Variants in SPTBN4 observed in about 807,000 individuals in gnomAD.
SPTBN4 encodes spectrin beta, non-erythrocytic 4.
Under a neutral mutation model 277.8 loss-of-function variants are expected in SPTBN4, and 96 were observed. That is an observed-to-expected ratio of 0.35 (90% CI 0.29 to 0.41). The LOEUF (loss-of-function observed/expected upper bound fraction) is 0.41, where lower values mean the gene tolerates loss of function less well. Ranked by LOEUF, SPTBN4 falls within the 10% of genes least tolerant of loss-of-function variation. The pLI is 1.00. For synonymous variants in SPTBN4, 1,481 were observed against 1,580.3 expected, an observed-to-expected ratio of 0.94 and a Z score of 1.49; for missense variants, 3,006 against 3,595.7, an observed-to-expected ratio of 0.84 and a Z score of 4.19.
chr19:40,504,129 G>T lies in SPTBN4; in HGVS notation c.1662G>T (p.Met554Ile). The T allele has an allele frequency of 6.7e-7, 1 of 1,483,666 alleles. No homozygotes were observed. 91.9% of individuals were successfully genotyped at this position (1,483,666 alleles called of 1,614,324 possible). The stretch of plus-strand genomic sequence containing the variant: ...ACATGGTGGACTGGATGGAGGAGAT[G>T]CAGGTGCCGGCGGGGGGGCGGGGAT... ...MVYMVDWMEE[M>I]QAQLLSRECG... Residue 554 changes from methionine (M) to isoleucine (I), a missense_variant, in exon 12 of 36, where the codon ATG (methionine) becomes ATT (isoleucine). Met to Ile is a conservative substitution (Grantham distance 10). This residue lies in a region of SPTBN4 where 1,759 missense variants were observed against 2,061.5 expected (regional missense o/e 0.85). Transcript: ENST00000598249.
intron 17 of SPTBN4, among the ~76,000 whole-genome samples, chr19:40,525,732 C>CA (rs756615400): frequency 1.4e-4 from 22 of 152,188 alleles, no homozygotes; most frequent in Non-Finnish European, 2.4e-4. Context: ...TCCTGCCTCA[C>CA]AGAGCTCGAA....
In SPTBN4 at chr19:40,549,290, TGAGCGGCAGAACGCGGTGGGC is replaced by T. The variant is rs2080890858; in HGVS notation, c.4467_4487del (p.Gln1490_Arg1496del). 4 of 1,543,572 alleles carry T rather than the reference TGAGCGGCAGAACGCGGTGGGC, an allele frequency of 2.6e-6. No homozygotes were observed. The highest frequency in any genetic ancestry group is 2.0e-5 in the Admixed American group (1 of 50,934). The stretch of plus-strand genomic sequence containing the variant: ...AGCCGGCGAGCAAGGAGCTGGTGGG[TGAGCGGCAGAACGCGGTGGGC>T]GAGCGCCTGGTGCGCCTGCTCGAGC... On this transcript the variant is annotated inframe_deletion, in exon 21 of 36. Transcript: ENST00000598249.
intron 18 of SPTBN4, chr19:40,530,830 G>C (rs1271812261): frequency 6.6e-6 from 1 of 152,286 alleles, no homozygotes; most frequent in Non-Finnish European, 1.5e-5. Flanking sequence ...GGAGCGAAGC[G>C]GGGGGACTTC....
chr19:40,504,071 T>C lies in SPTBN4; in HGVS notation c.1604T>C (p.Leu535Pro). The C allele has an allele frequency of 6.2e-7, 1 of 1,600,944 alleles. No homozygotes were observed. Among genetic ancestry groups the C allele is most frequent in the Non-Finnish European group, 8.5e-7 (1 of 1,172,436 alleles). Residue 535 changes from leucine (L) to proline (P), a missense_variant, in exon 12 of 36, where the codon CTT becomes CCT. Around this residue, in one of 5 missense-constraint regions of SPTBN4, gnomAD observed 1,759 missense variants for 2,061.5 expected, o/e 0.85. Coordinates refer to ENST00000598249, the MANE Select transcript of SPTBN4 (RefSeq NM_020971.3). ...GARRTRLEQN[L>P]ALQKVFQEMV... ...CGGCGGACACGACTTGAGCAGAACC[T>C]TGCCCTGCAGAAGGTCTTCCAGGAG...
intron 5 of SPTBN4, among the ~76,000 whole-genome samples, chr19:40,494,544 A>G (rs1357476352): frequency 6.8e-6 from 1 of 148,004 alleles, no homozygotes; most frequent in Non-Finnish European, 1.5e-5. Flanking sequence ...TCTATTATGT[A>G]TGTATGTATC....
At chr19:40,569,983 C>T (rs796359403) in intron 32 of SPTBN4, among the ~76,000 whole-genome samples, 1 of 148,290 alleles carries the variant, frequency 6.7e-6, no homozygotes, top group Non-Finnish European at 1.5e-5. Flanking sequence ...CAGACACACA[C>T]ACACAGACAC....
intron 22 of SPTBN4, among the ~76,000 whole-genome samples, chr19:40,552,536 T>C (rs1345644827): frequency 6.6e-6 from 1 of 152,014 alleles, no homozygotes; most frequent in Non-Finnish European, 1.5e-5. Flanking sequence ...ATGCTGATTA[T>C]TTAATTTAAT....
At chr19:40,485,574 C>T (rs948035324) in intron 2 of SPTBN4, among the ~76,000 whole-genome samples, 7 of 151,886 alleles carry the variant, frequency 4.6e-5, no homozygotes, top group African/African-American at 1.5e-4. Flanking sequence ...GGGAAGCGTA[C>T]GTGGGAGGAT....
intron 13 of SPTBN4, among the ~76,000 whole-genome samples, chr19:40,511,083 C>T (rs1008390821): frequency 6.6e-6 from 1 of 151,990 alleles, no homozygotes; most frequent in Non-Finnish European, 1.5e-5. Context: ...CATACATGGG[C>T]ACACAGGCTA....
intron 6 of SPTBN4, among the ~76,000 whole-genome samples, chr19:40,496,308 C>T (rs1012544740): frequency 6.6e-6 from 1 of 152,158 alleles, no homozygotes; most frequent in Non-Finnish European, 1.5e-5. Context: ...CGCCACCACA[C>T]CTGGATAATT....
chr19:40,566,731 A>G (rs975387276), intron 30 of SPTBN4, among the ~76,000 whole-genome samples: 1 of 152,004 alleles, frequency 6.6e-6, no homozygotes, highest in African/African-American at 2.4e-5. Context: ...TTGGGAGACC[A>G]AGATGGGTGG....
Position 40,512,978 on chromosome 19 carries a change from G to T in SPTBN4, c.2189G>T (p.Gly730Val). ...GGCGAGGAGCTGGTTGCGGCCGGCG[G>T]TGCCGTCGGCCCGGGAGCAGACACC... ...RCGEELVAAG[G>V]AVGPGADTVH... The change falls in exon 14 of 36, where the codon GGT becomes GTT. Residue 730 changes from glycine (G) to valine (V), a missense_variant. By Grantham distance (109) the Gly-to-Val change is moderately radical (BLOSUM62 -3). This residue lies in a region of SPTBN4 where 1,759 missense variants were observed against 2,061.5 expected (regional missense o/e 0.85). Transcript: ENST00000598249. The T allele has an allele frequency of 7.1e-7, 1 of 1,413,696 alleles. No individual in the cohort carries two copies. The highest frequency in any genetic ancestry group is 9.1e-7 in the Non-Finnish European group (1 of 1,093,734). 87.6% of individuals were successfully genotyped at this position (1,413,696 alleles called of 1,614,324 possible). A position where few individuals can be genotyped will look rare whatever the true frequency, so the allele number is the denominator to read the frequency against.
Position 40,554,584 on chromosome 19 carries a change from G to A in SPTBN4, c.5022G>A (p.Glu1674=). ...LQLEQGVENY[E]ESIAQLSRQC... ...TGGAGCAAGGCGTGGAGAACTACGAGGAAAGCATCGCGCAGCTGTCGCGCC... is the reference window on the plus strand; with the variant it reads ...TGGAGCAAGGCGTGGAGAACTACGAAGAAAGCATCGCGCAGCTGTCGCGCC... The change falls in exon 24 of 36, where the codon GAG becomes GAA. Residue 1674 remains glutamate, a synonymous_variant. Coordinates refer to ENST00000598249, the MANE Select transcript of SPTBN4 (RefSeq NM_020971.3). This position sits in a 1 kb window ranked among gnomAD's most constrained non-coding sequence, Gnocchi z 5.7. The A allele has an allele frequency of 6.5e-7, 1 of 1,546,468 alleles. No individual in the cohort carries two copies. The highest frequency in any genetic ancestry group is 1.2e-5 in the South Asian group (1 of 80,742).
intron 28 of SPTBN4, 43 bp downstream of exon 28, chr19:40,565,604 T>C: frequency 6.3e-7 from 1 of 1,590,370 alleles, no homozygotes; most frequent in Non-Finnish European, 8.6e-7. Flanking sequence ...CCCGGGCACA[T>C]TGGGGTGGAA....
rs1434766159 is a variant in SPTBN4, at chr19:40,490,494, C to G, written c.495+246C>G. On this transcript the variant is annotated intron_variant, in intron 4 of 35. Coordinates refer to ENST00000598249, the MANE Select transcript of SPTBN4 (RefSeq NM_020971.3). This position sits in a 1 kb window ranked among gnomAD's most constrained non-coding sequence, Gnocchi z 4.3. ...TTGACATTTAATACACACAGCAACC[C>G]CATAAATTAGGTACTATTTAGTACC... Among the ~76,000 whole-genome samples the G allele has an allele frequency of 6.6e-6, 1 of 152,102 alleles. No individual in the cohort carries two copies. The highest frequency in any genetic ancestry group is 2.1e-4 in the South Asian group (1 of 4,824).
In SPTBN4 at chr19:40,474,802, G is replaced by T. The variant is rs540637495; in HGVS notation, c.169+2012G>T. Among the ~76,000 whole-genome samples the T allele has an allele frequency of 4.6e-5, 7 of 152,170 alleles. No homozygotes were observed. The South Asian group carries it at 1.5e-3, about 32-fold the overall frequency. ...AGCTACCCAGGAGGCTGAGGCAGGA[G>T]AATCACTTGAACCCGGGAGATGGGG... On this transcript the variant is annotated intron_variant, in intron 2 of 35. Coordinates refer to ENST00000598249, the MANE Select transcript of SPTBN4 (RefSeq NM_020971.3).
intron 26 of SPTBN4, among the ~76,000 whole-genome samples, chr19:40,558,516 A>G (rs2081007723): frequency 6.6e-6 from 1 of 152,202 alleles, no homozygotes; most frequent in African/African-American, 2.4e-5. Context: ...GAGCAGTCAG[A>G]TGGAAATGAA....
chr19:40,554,144 C>CA lies in SPTBN4; in HGVS notation c.4675-2dup. 4.2e-6 allele frequency: 6 copies of CA among 1,442,976 alleles called. No homozygotes were observed. The highest frequency in any genetic ancestry group is 5.4e-6 in the Non-Finnish European group (6 of 1,114,516). The allele number at this position is 1,442,976 out of a possible 1,614,324, so 89.4% of individuals were successfully genotyped here. ...CCCACATCCCCTTACCTCCTGCCCCCAGGGCCTGCGGCGGGAGATCCAGGC... is the reference window on the plus strand; with the variant it reads ...CCCACATCCCCTTACCTCCTGCCCCCAAGGGCCTGCGGCGGGAGATCCAGGC... On this transcript the variant is annotated splice_region_variant and splice_polypyrimidine_tract_variant and intron_variant, in intron 22 of 35. Transcript: ENST00000598249. The surrounding 1 kb of genome is among the most constrained non-coding windows in gnomAD (Gnocchi z 5.7).
intron 6 of SPTBN4, among the ~76,000 whole-genome samples, chr19:40,496,220 G>A (rs986452579): frequency 1.3e-5 from 2 of 152,124 alleles, no homozygotes; most frequent in Non-Finnish European, 2.9e-5. Flanking sequence ...CACGATCTCG[G>A]CTCACTGCAA....
Sources: gnomAD v4.1 joint callset for allele counts (sites outside exome capture counted in the v4.1 genomes callset) on GRCh38, gnomAD v4.1.1 for gene constraint, gnomAD v4.1.1 regional missense constraint, Gnocchi (gnomAD v3.1) non-coding constraint, MANE v1.5 for transcripts, NCBI Gene and HGNC (gene_info 2026-07-23, HGNC 2026-07-21) for gene names.